FAM20B: variants seen among roughly 807,000 people sequenced by gnomAD.
FAM20B encodes the protein FAM20B glycosaminoglycan xylosylkinase.
FAM20B carries 23 observed loss-of-function variants against 43.8 expected under a neutral mutation model. The observed-to-expected ratio is 0.53, with a 90% CI of 0.38 to 0.74. The LOEUF (loss-of-function observed/expected upper bound fraction) is 0.74, where lower values mean the gene tolerates loss of function less well. FAM20B is among the 30% of genes least tolerant of loss of function. The probability of loss-of-function intolerance (pLI) is 0.00; values close to 1 mark genes in which losing one functional copy is unlikely to be tolerated. For missense variants in FAM20B, 440 were observed against 510.5 expected, an observed-to-expected ratio of 0.86 and a Z score of 1.33; for synonymous variants, 178 against 192.4, an observed-to-expected ratio of 0.93 and a Z score of 0.62.
upstream of FAM20B, among the ~76,000 whole-genome samples, chr1:179,021,925 G>A (rs1042398743): frequency 7.2e-5 from 11 of 152,224 alleles, no homozygotes; most frequent in African/African-American, 2.2e-4. Context: ...AAAAATAACC[G>A]AAATATTCCC....
intron 2 of FAM20B, among the ~76,000 whole-genome samples, 155 bp from the exon 3 acceptor site, chr1:179,050,124 G>A (rs940816449): frequency 3.3e-5 from 5 of 152,116 alleles, no homozygotes; most frequent in African/African-American, 7.2e-5. Flanking sequence ...TCCATCTACC[G>A]GCAATTCATG....
At chr1:179,026,280 C>G (rs956858392) in intron 1 of FAM20B, among the ~76,000 whole-genome samples, 182 bp downstream of exon 1, 3 of 151,352 alleles carry the variant, frequency 2.0e-5, no homozygotes, top group Admixed American at 1.3e-4. Flanking sequence ...CCCCGAGTGG[C>G]TGCGGGCGGG....
chr1:179,059,612 A>G (rs1323806717), intron 4 of FAM20B, among the ~76,000 whole-genome samples: 4 of 152,146 alleles, frequency 2.6e-5, no homozygotes, highest in African/African-American at 9.7e-5. Flanking sequence ...ACCAGGCAGT[A>G]TTTTGTTTGT....
rs988933368 is a variant in FAM20B at position 179,075,757 on chromosome 1, C to T, written c.*3613C>T. The T allele has an allele frequency of 3.9e-5, 6 of 152,110 alleles. No individual in the cohort carries two copies. The highest frequency in any genetic ancestry group is 2.1e-4 in the South Asian group (1 of 4,810). The allele number at this position is 152,110 out of a possible 1,614,324, so 9.4% of individuals were successfully genotyped here. On this transcript the variant is annotated 3_prime_UTR_variant, in exon 8 of 8. Transcript: ENST00000263733. ...AGCCAGCATTATCTTCCAAAGAAAT[C>T]GATCTTTTTTTTCTAAAAAAAAAAA...
At position 179,075,236 on chromosome 1, in the gene FAM20B, C is replaced by G. The variant is rs1652084223; in HGVS notation, c.*3092C>G. The G allele has an allele frequency of 6.6e-6, 1 of 151,556 alleles. No individual in the cohort carries two copies. Among genetic ancestry groups the G allele is most frequent in the African/African-American group, 2.4e-5 (1 of 41,262 alleles). 9.4% of individuals were successfully genotyped at this position (151,556 alleles called of 1,614,324 possible). ...GAATTTTTTTTTAAGTTTTGTAACA[C>G]TGTCCTACTTTATTTATTAGAATCT... On this transcript the variant is annotated 3_prime_UTR_variant, in exon 8 of 8. Transcript: ENST00000263733.
At chr1:179,017,591 T>C in the FAM20B span, among the ~76,000 whole-genome samples, 1 of 152,248 alleles carries the variant, frequency 6.6e-6, no homozygotes, top group East Asian at 1.9e-4. Context: ...TAGCTTTTCA[T>C]TGAGCATTCT....
At chr1:179,031,141 A>G (rs1649992677) in intron 1 of FAM20B, among the ~76,000 whole-genome samples, 1 of 152,250 alleles carries the variant, frequency 6.6e-6, no homozygotes, top group Non-Finnish European at 1.5e-5. Flanking sequence ...GATGGAAAGC[A>G]TATGAAAAGC....
intron 1 of FAM20B, among the ~76,000 whole-genome samples, chr1:179,039,356 G>T (rs528631899): frequency 6.6e-6 from 1 of 152,322 alleles, no homozygotes; most frequent in African/African-American, 2.4e-5. Context: ...GAATTGCCCA[G>T]AGTGTGGTCA....
intron 6 of FAM20B, among the ~76,000 whole-genome samples, chr1:179,064,975 C>A (rs1000995000): frequency 1.3e-5 from 2 of 152,094 alleles, no homozygotes; most frequent in African/African-American, 4.8e-5. Flanking sequence ...GAGCTGTTGC[C>A]TAGTGTGGAT....
At chr1:179,045,282 G>A (rs913644098) in intron 2 of FAM20B, among the ~76,000 whole-genome samples, 3 of 152,206 alleles carry the variant, frequency 2.0e-5, no homozygotes, top group African/African-American at 7.2e-5. Flanking sequence ...TTTGCCGGGA[G>A]TTAGTTACCA....
chr1:179,036,436 T>C (rs1017570864), intron 1 of FAM20B, among the ~76,000 whole-genome samples: 10 of 152,226 alleles, frequency 6.6e-5, no homozygotes, highest in Non-Finnish European at 1.3e-4. Flanking sequence ...TAACTGGACA[T>C]TGTTGCACTG....
chr1:179,071,770 T>G, intron 7 of FAM20B, 143 bp from the exon 8 acceptor site: 2 of 640,618 alleles, frequency 3.1e-6, no homozygotes, highest in South Asian at 1.9e-5. Context: ...TTACTCATTA[T>G]GTAGGGGTAA....
At chr1:179,035,483 C>T (rs930049783) in intron 1 of FAM20B, 10 of 692,884 alleles carry the variant, frequency 1.4e-5, no homozygotes, top group South Asian at 2.7e-5. Context: ...GCATTGAAGA[C>T]GCTGCTTCAG....
At chr1:179,058,320 C>T (rs1651312454) in intron 4 of FAM20B, among the ~76,000 whole-genome samples, 2 of 152,126 alleles carry the variant, frequency 1.3e-5, no homozygotes, top group Admixed American at 6.5e-5. Context: ...ACAAATATGA[C>T]GGTTTGCTCC....
rs183391626 is a variant in FAM20B, at chr1:179,041,104, C to T, written c.-133-2611C>T. ...CTCACTTCCTTGATGGGATGGCGGCCGGGAAGAGGCGCTCCTCACTTCCTA... is the reference window on the plus strand; with the variant it reads ...CTCACTTCCTTGATGGGATGGCGGCTGGGAAGAGGCGCTCCTCACTTCCTA... On this transcript the variant is annotated intron_variant, in intron 1 of 7. Coordinates refer to ENST00000263733, the MANE Select transcript of FAM20B (RefSeq NM_014864.4). Among the ~76,000 whole-genome samples, 811 of 127,640 alleles carry T rather than the reference C, an allele frequency of 6.4e-3. 11 individuals are homozygous for T. Among genetic ancestry groups the T allele is most frequent in the African/African-American group, 0.029 (773 of 26,452 alleles). 83.7% of individuals were successfully genotyped at this position (127,640 alleles called of 152,430 possible).
intron 1 of FAM20B, among the ~76,000 whole-genome samples, chr1:179,039,922 G>A (rs1025849594): frequency 6.6e-6 from 1 of 152,070 alleles, no homozygotes; most frequent in East Asian, 1.9e-4. Flanking sequence ...AGATTAGGGA[G>A]TGGTGATGAC....
In FAM20B at chr1:179,044,080, C is replaced by T. The variant is rs1650660570; in HGVS notation, c.233C>T (p.Pro78Leu). The T allele has an allele frequency of 6.2e-7, 1 of 1,614,152 alleles. No individual in the cohort carries two copies. Among genetic ancestry groups the T allele is most frequent in the Non-Finnish European group, 8.5e-7 (1 of 1,180,042 alleles). The stretch of plus-strand genomic sequence containing the variant: ...TGGGTGGTTCCCCGGGAAGTGTACC[C>T]TGAAGAGACACCAGAGCTGGGGGCA... The part of the protein sequence containing the change: ...AQWVVPREVY[P>L]EETPELGAVM... Residue 78 changes from proline (P) to leucine (L), a missense_variant, in exon 2 of 8, where the codon CCT becomes CTT. Physicochemically the swap from Pro to Leu is moderately conservative, Grantham distance 98. Transcript: ENST00000263733.
chr1:179,027,233 A>G (rs1649825678), intron 1 of FAM20B, among the ~76,000 whole-genome samples: 1 of 152,182 alleles, frequency 6.6e-6, no homozygotes, highest in Non-Finnish European at 1.5e-5. Context: ...AGCCACGCCT[A>G]TGTTTTTTGC....
intron 1 of FAM20B, among the ~76,000 whole-genome samples, chr1:179,038,891 C>T (rs967666800): frequency 1.3e-5 from 2 of 152,252 alleles, no homozygotes; most frequent in African/African-American, 2.4e-5. Flanking sequence ...TTAACTCTCA[C>T]TTTCTGCTTC....
Sources: gnomAD v4.1 joint callset for allele counts (sites outside exome capture counted in the v4.1 genomes callset) on GRCh38, gnomAD v4.1.1 for gene constraint, MANE v1.5 for transcripts, NCBI Gene and HGNC (gene_info 2026-07-23, HGNC 2026-07-21) for gene names.